The following DST variants were observed in gnomAD, a reference collection of about 807,000 sequenced individuals.
DST encodes the protein dystonin.
In DST, 253 loss-of-function variants were observed where a neutral mutation model predicts 875.2. That is an observed-to-expected ratio of 0.29 (90% CI 0.26 to 0.32). The LOEUF (loss-of-function observed/expected upper bound fraction) is 0.32, where lower values mean the gene tolerates loss of function less well. Ranked by LOEUF, DST falls within the 10% of genes least tolerant of loss-of-function variation. The pLI, the probability that DST is intolerant of heterozygous loss-of-function variation, is 1.00. For missense variants in DST, 8,287 were observed against 9,111.6 expected (o/e 0.91, Z 3.68); for synonymous variants, 3,124 against 3,197.1 (o/e 0.98, Z 0.77).
At chr6:56,570,578 C>T (rs2097764442) in intron 53 of DST, among the ~76,000 whole-genome samples, 1 of 152,170 alleles carries the variant, frequency 6.6e-6, no homozygotes, top group African/African-American at 2.4e-5. Context: ...TGGAGAGCAG[C>T]TGTAAATACA....
chr6:56,625,465 C>G (rs1323491615), intron 34 of DST, among the ~76,000 whole-genome samples: 1 of 151,980 alleles, frequency 6.6e-6, no homozygotes, highest in Non-Finnish European at 1.5e-5. Context: ...ACATTTCAGT[C>G]AAAGACAGAC....
At chr6:56,670,388 AG>A in intron 10 of DST, 2 of 258,216 alleles carry the variant, frequency 7.7e-6, no homozygotes, top group Non-Finnish European at 1.4e-5. Flanking sequence ...TTGTAGAGAG[AG>A]GGTTTTACCC....
chr6:56,495,389 C>T (rs1291516858), intron 82 of DST, among the ~76,000 whole-genome samples: 7 of 151,818 alleles, frequency 4.6e-5, no homozygotes, highest in Admixed American at 3.3e-4. Flanking sequence ...TTAAATACCC[C>T]GCCCAAACTC....
intron 82 of DST, among the ~76,000 whole-genome samples, chr6:56,495,692 C>CT (rs2152447626): frequency 1.3e-5 from 2 of 151,870 alleles, no homozygotes; most frequent in East Asian, 3.9e-4. Context: ...TCCAGTGAAA[C>CT]AAATAGGTCT....
rs147407616 is a variant in DST at position 56,693,864 on chromosome 6, A to G, written c.1047+5789T>C. 2.9e-3 allele frequency among the ~76,000 whole-genome samples: 446 copies of G among 152,128 alleles called. 1 individual carries two copies. The highest frequency in any genetic ancestry group is 4.6e-3 in the Non-Finnish European group (315 of 68,000). ...TGCTAAATGCTTATAATTCTCTAATAAAATTGTTTCTAAAAAAAATCAATC... is the reference window on the plus strand; with the variant it reads ...TGCTAAATGCTTATAATTCTCTAATGAAATTGTTTCTAAAAAAAATCAATC... On this transcript the variant is annotated intron_variant, in intron 9 of 103. Coordinates refer to ENST00000680361, the MANE Select transcript of DST (RefSeq NM_001374736.1).
At position 56,465,423 on chromosome 6, in the gene DST, T is replaced by G. The variant is rs1271429770; in HGVS notation, c.22687+655A>C. On this transcript the variant is annotated intron_variant, in intron 99 of 103. Coordinates refer to ENST00000680361, the MANE Select transcript of DST (RefSeq NM_001374736.1). ...GAGTAATTGGTACCTAATTAGAAAT[T>G]GCAATCAAATGACCACGTGTAACGT... is the stretch of plus-strand genomic sequence containing the variant. 2.0e-5 allele frequency among the ~76,000 whole-genome samples: 3 copies of G among 152,264 alleles called. No individual in the cohort carries two copies. In the East Asian group the frequency reaches 5.8e-4, roughly 29 times the overall value.
intron 2 of DST, among the ~76,000 whole-genome samples, chr6:56,902,127 T>C (rs1221137352): frequency 6.6e-6 from 1 of 152,172 alleles, no homozygotes; most frequent in Non-Finnish European, 1.5e-5. Flanking sequence ...GAATAATACA[T>C]AGATGATAGA....
intron 37 of DST, among the ~76,000 whole-genome samples, chr6:56,612,397 G>T (rs1586618385): frequency 6.6e-6 from 1 of 152,106 alleles, no homozygotes; most frequent in Non-Finnish European, 1.5e-5. Flanking sequence ...TTGAAAAAAA[G>T]AACAAATAAT....
chr6:56,551,903 A>T (rs577398904), intron 61 of DST, among the ~76,000 whole-genome samples: 4 of 152,298 alleles, frequency 2.6e-5, no homozygotes, highest in Non-Finnish European at 5.9e-5. Flanking sequence ...ATAATTCCAG[A>T]AATGGACCCT....
chr6:56,537,004 A>T (rs1357849573), intron 61 of DST, 64 bp from the exon 62 acceptor site: 3 of 1,456,714 alleles, frequency 2.1e-6, no homozygotes, highest in Non-Finnish European at 2.8e-6. Context: ...ATATATAATA[A>T]GCATTTCTTT....
chr6:56,825,510 A>AT, intron 4 of DST, among the ~76,000 whole-genome samples: 1 of 150,662 alleles, frequency 6.6e-6, no homozygotes, highest in Middle Eastern at 3.4e-3. Flanking sequence ...ACTAAAAAAA[A>AT]AAAAAAAAAA....
At chr6:56,707,180 G>A (rs1304393740) in intron 5 of DST, among the ~76,000 whole-genome samples, 1 of 152,208 alleles carries the variant, frequency 6.6e-6, no homozygotes, top group East Asian at 1.9e-4. Context: ...TCTGTGGCCT[G>A]GGGGTTGGGG....
At chr6:56,666,501 T>C (rs779685408) in intron 10 of DST, among the ~76,000 whole-genome samples, 1 of 152,142 alleles carries the variant, frequency 6.6e-6, no homozygotes, top group Non-Finnish European at 1.5e-5. Context: ...ATTTGCTACA[T>C]AGGGATAACC....
intron 4 of DST, among the ~76,000 whole-genome samples, chr6:56,837,181 A>C (rs1166621698): frequency 6.6e-6 from 1 of 152,198 alleles, no homozygotes; most frequent in African/African-American, 2.4e-5. Context: ...CTTTCGTTCC[A>C]TTTAACTACC....
chr6:56,917,666 C>G (rs1323707895), intron 2 of DST, among the ~76,000 whole-genome samples: 1 of 152,110 alleles, frequency 6.6e-6, no homozygotes, highest in African/African-American at 2.4e-5. Flanking sequence ...TGACTTTTCC[C>G]AGTAGACTGA....
At chr6:56,700,781 T>A (rs2099298229) in intron 8 of DST, among the ~76,000 whole-genome samples, 2 of 152,232 alleles carry the variant, frequency 1.3e-5, no homozygotes, top group South Asian at 2.1e-4. Context: ...CAGAAAACAT[T>A]TCAGAAGTAT....
At chr6:56,506,342 A>C in intron 77 of DST, 101 bp downstream of exon 77, 1 of 882,294 alleles carries the variant, frequency 1.1e-6, no homozygotes, top group African/African-American at 1.7e-5. Context: ...CCACAATTGC[A>C]TATGCACTGG....
intron 89 of DST, 30 bp downstream of exon 89, chr6:56,482,653 A>T (rs777226406): frequency 3.8e-6 from 6 of 1,593,468 alleles, no homozygotes; most frequent in African/African-American, 1.3e-5. Context: ...TTTTCCCATT[A>T]CACCCAGCTC....
intron 2 of DST, among the ~76,000 whole-genome samples, chr6:56,932,271 T>C (rs943708500): frequency 5.3e-5 from 8 of 152,154 alleles, no homozygotes; most frequent in African/African-American, 1.9e-4. Flanking sequence ...CACCAACATG[T>C]AAGAAGTGCC....
Sources: gnomAD v4.1 joint callset for allele counts (sites outside exome capture counted in the v4.1 genomes callset) on GRCh38, gnomAD v4.1.1 for gene constraint, MANE v1.5 for transcripts, NCBI Gene and HGNC (gene_info 2026-07-23, HGNC 2026-07-21) for gene names.